PEX5L: variants seen among roughly 807,000 people sequenced by gnomAD.
PEX5L encodes PEX5-related protein.
Under a neutral mutation model 84.0 loss-of-function variants are expected in PEX5L, and 30 were observed. That is an observed-to-expected ratio of 0.36 (90% CI 0.27 to 0.48). The LOEUF (loss-of-function observed/expected upper bound fraction) is 0.48, where lower values mean the gene tolerates loss of function less well. Among genes scored for constraint, PEX5L ranks in the 20% least tolerant of loss-of-function variants. The probability of loss-of-function intolerance (pLI) is 0.99; values close to 1 mark genes in which losing one functional copy is unlikely to be tolerated. For missense variants in PEX5L, 533 were observed against 754.6 expected, an observed-to-expected ratio of 0.71 and a Z score of 3.44; for synonymous variants, 270 against 283.1, an observed-to-expected ratio of 0.95 and a Z score of 0.46.
At chr3:179,949,407 ACT>A (rs998854231) in intron 2 of PEX5L, among the ~76,000 whole-genome samples, 20 of 152,020 alleles carry the variant, frequency 1.3e-4, no homozygotes. Flanking sequence ...GTCAGTATAA[ACT>A]CTGTCAGCAT....
chr3:180,028,471 A>G (rs1298134837), intron 1 of PEX5L, among the ~76,000 whole-genome samples: 11 of 152,228 alleles, frequency 7.2e-5, no homozygotes, highest in African/African-American at 2.7e-4. Context: ...AAAAATATCA[A>G]TTTTAATGAC....
At chr3:179,896,169 T>G (rs1298614899) in intron 3 of PEX5L, 1 of 152,160 alleles carries the variant, frequency 6.6e-6, no homozygotes, top group African/African-American at 2.4e-5. Context: ...GCCACTTGTG[T>G]ATAGTGGAAA....
intron 3 of PEX5L, among the ~76,000 whole-genome samples, chr3:179,896,738 G>A (rs913590493): frequency 2.0e-5 from 3 of 152,124 alleles, no homozygotes; most frequent in South Asian, 2.1e-4. Context: ...GTATGGCTCT[G>A]CCCTTAAGCA....
At chr3:179,899,940 T>C (rs1200437586) in intron 2 of PEX5L, among the ~76,000 whole-genome samples, 2 of 152,216 alleles carry the variant, frequency 1.3e-5, no homozygotes, top group Non-Finnish European at 2.9e-5. Flanking sequence ...ACTTGATTCA[T>C]TGCATAACAA....
intron 1 of PEX5L, among the ~76,000 whole-genome samples, chr3:180,007,877 C>T (rs1192582945): frequency 6.6e-6 from 1 of 152,196 alleles, no homozygotes; most frequent in East Asian, 1.9e-4. Flanking sequence ...CATGAGGCCA[C>T]CTTTTCTTCC....
In PEX5L at chr3:179,819,953, C is replaced by T. The variant is rs369083596; in HGVS notation, c.846G>A (p.Lys282=). Residue 282 remains lysine, a synonymous_variant, in exon 9 of 15, where the codon AAG becomes AAA. Coordinates refer to ENST00000467460, the MANE Select transcript of PEX5L (RefSeq NM_016559.3). ...AVESDTEFWD[K]MQAEWEEMAR... ...CCATTTCTTCCCATTCTGCTTGCATCTTATCCCAAAACTCTGTATCTGACT... is the reference window on the plus strand; with the variant it reads ...CCATTTCTTCCCATTCTGCTTGCATTTTATCCCAAAACTCTGTATCTGACT... The T allele has an allele frequency of 3.7e-6, 6 of 1,612,594 alleles. No individual in the cohort carries two copies. In the African/African-American group the frequency reaches 6.7e-5, roughly 18 times the overall value.
At chr3:179,877,681 CT>C (rs1223920815) in intron 5 of PEX5L, among the ~76,000 whole-genome samples, 1 of 152,108 alleles carries the variant, frequency 6.6e-6, no homozygotes, top group Non-Finnish European at 1.5e-5. Context: ...TGGTCTCAAA[CT>C]CCTGGCCTCA....
rs183710436 is a variant in PEX5L at position 179,944,610 on chromosome 3, A to G, written c.93+26984T>C. On this transcript the variant is annotated intron_variant, in intron 2 of 14. Transcript: ENST00000467460. ...TCAATAAATGTCTTTTTTGAAAAACAGAATTATGTTCTTTTAAATGACCTT... is the reference window on the plus strand; with the variant it reads ...TCAATAAATGTCTTTTTTGAAAAACGGAATTATGTTCTTTTAAATGACCTT... 1.4e-3 allele frequency among the ~76,000 whole-genome samples: 206 copies of G among 152,332 alleles called. 1 individual carries two copies. The highest frequency in any genetic ancestry group is 0.01 in the Middle Eastern group (3 of 294).
intron 8 of PEX5L, among the ~76,000 whole-genome samples, chr3:179,854,253 T>C (rs1577637710): frequency 6.6e-6 from 1 of 151,858 alleles, no homozygotes; most frequent in Non-Finnish European, 1.5e-5. Context: ...TGACAGTCTT[T>C]GCACATAAAC....
chr3:179,952,104 A>T (rs1779240719), intron 2 of PEX5L, among the ~76,000 whole-genome samples: 1 of 152,308 alleles, frequency 6.6e-6, no homozygotes, highest in East Asian at 1.9e-4. Flanking sequence ...CTTTGCTTAT[A>T]TTATAGATTT....
intron 1 of PEX5L, among the ~76,000 whole-genome samples, chr3:179,989,476 TA>T (rs1255353694): frequency 1.3e-5 from 2 of 152,212 alleles, no homozygotes; most frequent in Non-Finnish European, 2.9e-5. Context: ...AAATGTCAGA[TA>T]ACTAGTTTAC....
intron 2 of PEX5L, among the ~76,000 whole-genome samples, chr3:179,930,463 A>C (rs890423452): frequency 1.3e-5 from 2 of 152,128 alleles, no homozygotes; most frequent in Non-Finnish European, 2.9e-5. Context: ...AATCCATGAA[A>C]CTGGCCAATG....
chr3:179,943,385 T>C (rs1338765815), intron 2 of PEX5L, among the ~76,000 whole-genome samples: 2 of 152,240 alleles, frequency 1.3e-5, no homozygotes, highest in Admixed American at 6.5e-5. Flanking sequence ...TACTTCCTCA[T>C]TTCCTAAAAT....
intron 2 of PEX5L, among the ~76,000 whole-genome samples, chr3:179,919,854 C>A (rs987945840): frequency 5.3e-5 from 8 of 152,094 alleles, no homozygotes; most frequent in Non-Finnish European, 1.0e-4. Context: ...AGGTGTGTGC[C>A]ACCATGCTCA....
rs545167221 is a variant in PEX5L at position 179,874,867 on chromosome 3, G to A, written c.630-444C>T. On this transcript the variant is annotated intron_variant, in intron 6 of 14. Coordinates refer to ENST00000467460, the MANE Select transcript of PEX5L (RefSeq NM_016559.3). ...GAGATGTGGCAGGGCAGTAGGAGAC[G>A]GAAGCCAGACACTGCCCTTTAGGAA... Among the ~76,000 whole-genome samples, 10 of 149,988 alleles carry A rather than the reference G, an allele frequency of 6.7e-5. No homozygotes were observed. In the South Asian group the frequency reaches 1.1e-3, roughly 16 times the overall value.
intron 2 of PEX5L, among the ~76,000 whole-genome samples, chr3:179,966,953 T>C (rs1534023): frequency 0.78 from 119,243 of 152,096 alleles, 47,289 homozygotes; most frequent in East Asian, 0.96. Flanking sequence ...GCGGTCTTCA[T>C]AACTACTTTT....
At chr3:179,916,696 G>A (rs73176296) in intron 2 of PEX5L, among the ~76,000 whole-genome samples, 134 of 152,142 alleles carry the variant, frequency 8.8e-4, no homozygotes, top group Non-Finnish European at 1.4e-3. Flanking sequence ...TTGAGACAGC[G>A]TCTCGTTTTG....
intron 12 of PEX5L, 68 bp from the exon 13 acceptor site, chr3:179,808,505 T>C: frequency 1.7e-6 from 2 of 1,173,890 alleles, no homozygotes; most frequent in Non-Finnish European, 2.3e-6. Context: ...TACTGTTAAA[T>C]CCCTTGACTG....
chr3:179,879,078 T>C (rs939849145), intron 5 of PEX5L, among the ~76,000 whole-genome samples: 2 of 152,232 alleles, frequency 1.3e-5, no homozygotes, highest in Non-Finnish European at 2.9e-5. Flanking sequence ...GCTATGAATA[T>C]GATCTCCTTA....
Sources: gnomAD v4.1 joint callset for allele counts (sites outside exome capture counted in the v4.1 genomes callset) on GRCh38, gnomAD v4.1.1 for gene constraint, MANE v1.5 for transcripts, NCBI Gene and HGNC (gene_info 2026-07-23, HGNC 2026-07-21) for gene names.